THSD7A: variants seen among roughly 807,000 people sequenced by gnomAD.
THSD7A encodes the protein thrombospondin type 1 domain containing 7A, also known as thrombospondin type-1 domain-containing protein 7A.
In THSD7A, 96 loss-of-function variants were observed where a neutral mutation model predicts 231.3. The observed-to-expected ratio is 0.41, with a 90% CI of 0.35 to 0.49. The LOEUF (loss-of-function observed/expected upper bound fraction) is 0.49. Ranked by LOEUF, THSD7A falls within the 20% of genes least tolerant of loss-of-function variation. The pLI is 0.05. For synonymous variants in THSD7A, 940 were observed against 743.3 expected (o/e 1.26, Z -4.30); for missense variants, 2,290 against 2,070.2 (o/e 1.11, Z -2.06).
At chr7:11,536,377 C>T (rs922875733) in intron 6 of THSD7A, among the ~76,000 whole-genome samples, 1 of 152,130 alleles carries the variant, frequency 6.6e-6, no homozygotes, top group African/African-American at 2.4e-5. Context: ...GATCTCTGCA[C>T]CCATCTTTCA....
At chr7:11,573,916 A>G (rs1790761268) in intron 4 of THSD7A, among the ~76,000 whole-genome samples, 1 of 152,214 alleles carries the variant, frequency 6.6e-6, no homozygotes, top group South Asian at 2.1e-4. Flanking sequence ...GGAAATTTAT[A>G]TGAACACATC....
At chr7:11,558,369 C>T (rs1048899856) in intron 4 of THSD7A, among the ~76,000 whole-genome samples, 8 of 152,070 alleles carry the variant, frequency 5.3e-5, no homozygotes, top group Non-Finnish European at 8.8e-5. Flanking sequence ...TATTATACAA[C>T]TGGGATAATA....
intron 4 of THSD7A, among the ~76,000 whole-genome samples, chr7:11,549,754 C>T (rs1226077666): frequency 6.7e-6 from 1 of 149,606 alleles, no homozygotes; most frequent in Admixed American, 6.6e-5. Context: ...GAACAACATA[C>T]ACTAGGGCCT....
In THSD7A at chr7:11,687,271, C is replaced by T. The variant is rs192592134; in HGVS notation, c.191-50310G>A. Among the ~76,000 whole-genome samples the T allele has an allele frequency of 4.0e-3, 613 of 151,912 alleles. 12 individuals are homozygous for T. The South Asian group carries it at 0.065, about 16-fold the overall frequency. ...AATAGTAAATAAATAAAATGTATTTCGCTAATCACTAAGAAGAAGAAATTT... is the reference window on the plus strand; with the variant it reads ...AATAGTAAATAAATAAAATGTATTTTGCTAATCACTAAGAAGAAGAAATTT... On this transcript the variant is annotated intron_variant, in intron 1 of 27. Coordinates refer to ENST00000423059, the MANE Select transcript of THSD7A (RefSeq NM_015204.3).
At chr7:11,681,371 G>C (rs750500483) in intron 1 of THSD7A, among the ~76,000 whole-genome samples, 10 of 151,882 alleles carry the variant, frequency 6.6e-5, no homozygotes, top group Non-Finnish European at 1.0e-4. Context: ...ATGTATCCCA[G>C]AACTTAAAGT....
intron 1 of THSD7A, among the ~76,000 whole-genome samples, chr7:11,775,503 T>G (rs191181638): frequency 6.6e-6 from 1 of 152,208 alleles, no homozygotes. Flanking sequence ...CAATGAAAAA[T>G]TATTCAGCCT....
intron 1 of THSD7A, among the ~76,000 whole-genome samples, chr7:11,681,605 G>A (rs909144964): frequency 1.3e-5 from 2 of 151,762 alleles, no homozygotes; most frequent in African/African-American, 4.8e-5. Context: ...GAGAACTATG[G>A]GATGATGCAA....
intron 1 of THSD7A, among the ~76,000 whole-genome samples, chr7:11,717,154 C>T (rs1310725604): frequency 6.6e-6 from 1 of 151,594 alleles, no homozygotes. Context: ...CTGAGATCCA[C>T]ACTTGACTGA....
At chr7:11,659,421 C>T (rs910616966) in intron 1 of THSD7A, among the ~76,000 whole-genome samples, 10 of 151,510 alleles carry the variant, frequency 6.6e-5, no homozygotes, top group African/African-American at 1.7e-4. Context: ...ATAAATTCTA[C>T]GACGTTCTGA....
chr7:11,639,616 C>T (rs916950011), intron 1 of THSD7A, among the ~76,000 whole-genome samples: 1 of 151,722 alleles, frequency 6.6e-6, no homozygotes, highest in Admixed American at 6.6e-5. Flanking sequence ...TGCAGTGAGC[C>T]GAGATGGCAC....
intron 23 of THSD7A, among the ~76,000 whole-genome samples, chr7:11,394,672 T>C (rs993014729): frequency 1.3e-5 from 2 of 152,304 alleles, no homozygotes; most frequent in Admixed American, 6.5e-5. Flanking sequence ...ACCCACAGAT[T>C]GTGTTTGCTC....
At chr7:11,524,695 T>C (rs1158472231) in intron 6 of THSD7A, among the ~76,000 whole-genome samples, 1 of 152,126 alleles carries the variant, frequency 6.6e-6, no homozygotes, top group African/African-American at 2.4e-5. Flanking sequence ...CCTCCTCTTA[T>C]ACACATGGAC....
intron 13 of THSD7A, among the ~76,000 whole-genome samples, chr7:11,431,344 G>A (rs191498350): frequency 6.6e-6 from 1 of 152,196 alleles, no homozygotes. Flanking sequence ...TTATATTTAG[G>A]TGTATGTTTC....
chr7:11,769,137 ATATATATATATATATATT>A (rs1783131788), intron 1 of THSD7A, among the ~76,000 whole-genome samples: 1 of 36,636 alleles, frequency 2.7e-5, no homozygotes, highest in Non-Finnish European at 6.3e-5. Context: ...ATATATATAT[ATATATATATATATATATT>A]TTTTTTTTTT....
intron 1 of THSD7A, among the ~76,000 whole-genome samples, chr7:11,662,103 G>A (rs1309833956): frequency 6.6e-6 from 1 of 151,216 alleles, no homozygotes; most frequent in East Asian, 1.9e-4. Context: ...ATAATAACAT[G>A]TATATTGAAA....
intron 4 of THSD7A, among the ~76,000 whole-genome samples, chr7:11,585,530 G>A (rs907800777): frequency 2.0e-5 from 3 of 152,140 alleles, no homozygotes; most frequent in Non-Finnish European, 2.9e-5. Flanking sequence ...CACCGCATAC[G>A]TCTGGTCACA....
intron 6 of THSD7A, among the ~76,000 whole-genome samples, chr7:11,498,584 G>A (rs1787204123): frequency 6.6e-6 from 1 of 152,168 alleles, no homozygotes; most frequent in Admixed American, 6.5e-5. Context: ...GGGGGCTGAA[G>A]TGGACTGGAC....
chr7:11,405,421 A>G (rs1054483518), intron 22 of THSD7A, among the ~76,000 whole-genome samples: 9 of 152,190 alleles, frequency 5.9e-5, no homozygotes, highest in African/African-American at 7.2e-5. Context: ...TTTAAATCAT[A>G]ATTATAAGCA....
intron 1 of THSD7A, among the ~76,000 whole-genome samples, chr7:11,735,350 G>A (rs76790051): frequency 0.014 from 2,157 of 151,968 alleles, 20 homozygotes; most frequent in South Asian, 0.021. Context: ...AATCTGAAAT[G>A]CTCCGAAATA....
Sources: gnomAD v4.1 joint callset for allele counts (sites outside exome capture counted in the v4.1 genomes callset) on GRCh38, gnomAD v4.1.1 for gene constraint, MANE v1.5 for transcripts, NCBI Gene and HGNC (gene_info 2026-07-23, HGNC 2026-07-21) for gene names.